Variants in TAF2 observed in about 807,000 individuals in gnomAD.
The protein encoded by TAF2 is transcription initiation factor TFIID subunit 2.
In TAF2, 61 loss-of-function variants were observed where a neutral mutation model predicts 138.5. That is an observed-to-expected ratio of 0.44 (90% confidence interval 0.36 to 0.54). The LOEUF (loss-of-function observed/expected upper bound fraction) is 0.54, where lower values mean the gene tolerates loss of function less well. Ranked by LOEUF, TAF2 falls within the 20% of genes least tolerant of loss-of-function variation. TAF2 has a pLI of 0.00. For missense variants in TAF2, 1,090 were observed against 1,427.9 expected, an observed-to-expected ratio of 0.76 and a Z score of 3.81; for synonymous variants, 475 against 469.9, an observed-to-expected ratio of 1.01 and a Z score of -0.14.
intron 8 of TAF2, 88 bp from the exon 9 acceptor site, chr8:119,795,719 G>A: frequency 4.4e-6 from 5 of 1,143,868 alleles, no homozygotes; most frequent in Non-Finnish European, 6.5e-6. Context: ...AGTGTAGTGT[G>A]TATTTCCCTG....
intron 15 of TAF2, 31 bp from the exon 16 acceptor site, chr8:119,783,664 T>C (rs1175966576): frequency 6.3e-7 from 1 of 1,589,914 alleles, no homozygotes; most frequent in Non-Finnish European, 8.6e-7. Flanking sequence ...CTTTTTAATT[T>C]AATTTTTAAA....
intron 21 of TAF2, among the ~76,000 whole-genome samples, chr8:119,757,813 T>C (rs562059436): frequency 4.1e-4 from 62 of 152,186 alleles, no homozygotes; most frequent in African/African-American, 1.4e-3. Context: ...AGAGAATCGC[T>C]TGAACCCAGG....
intron 25 of TAF2, among the ~76,000 whole-genome samples, chr8:119,735,307 G>C (rs956604505): frequency 6.6e-6 from 1 of 152,096 alleles, no homozygotes; most frequent in East Asian, 1.9e-4. Context: ...AACAAAGCTT[G>C]CTAAATGAAT....
chr8:119,823,864 G>A (rs1337075152), intron 2 of TAF2, among the ~76,000 whole-genome samples: 1 of 152,210 alleles, frequency 6.6e-6, no homozygotes, highest in Non-Finnish European at 1.5e-5. Flanking sequence ...GGCCCAGGCT[G>A]AGGTGGTCTC....
intron 2 of TAF2, among the ~76,000 whole-genome samples, chr8:119,827,734 ATT>A (rs58428759): frequency 0.25 from 35,294 of 143,876 alleles, 4,565 homozygotes; most frequent in Middle Eastern, 0.39. Flanking sequence ...CATGGAAGGA[ATT>A]TTTTTTTTTT....
chr8:119,754,710 C>T (rs1173705678), intron 22 of TAF2, among the ~76,000 whole-genome samples: 1 of 152,018 alleles, frequency 6.6e-6, no homozygotes, highest in Non-Finnish European at 1.5e-5. Context: ...TAAATATCCA[C>T]TGCTCTCCCA....
At chr8:119,780,862 G>A (rs1413597946) in intron 17 of TAF2, among the ~76,000 whole-genome samples, 191 bp downstream of exon 17, 3 of 150,826 alleles carry the variant, frequency 2.0e-5, no homozygotes, top group Non-Finnish European at 4.4e-5. Context: ...GTGAACCCGG[G>A]AGGCGGAGCT....
chr8:119,824,189 G>A (rs948728226), intron 2 of TAF2, among the ~76,000 whole-genome samples: 5 of 152,092 alleles, frequency 3.3e-5, no homozygotes, highest in African/African-American at 1.2e-4. Flanking sequence ...CCAGCACATT[G>A]GGAGGCTGAG....
At chr8:119,766,176 ACTATTT>A (rs1821407492) in intron 18 of TAF2, among the ~76,000 whole-genome samples, 1 of 152,168 alleles carries the variant, frequency 6.6e-6, no homozygotes, top group African/African-American at 2.4e-5. Flanking sequence ...ATTGTAATAA[ACTATTT>A]CTATATTTCT....
chr8:119,817,638 T>C (rs972743249), intron 3 of TAF2, among the ~76,000 whole-genome samples: 5 of 152,218 alleles, frequency 3.3e-5, no homozygotes, highest in Non-Finnish European at 7.3e-5. Context: ...GTCATTACAC[T>C]TAACAGATTA....
chr8:119,789,596 A>G lies in TAF2; in HGVS notation c.1564T>C (p.Trp522Arg), dbSNP rs1823276681. 1 of 1,613,332 alleles carries G rather than the reference A, an allele frequency of 6.2e-7. No homozygotes were observed. Among genetic ancestry groups the G allele is most frequent in the Non-Finnish European group, 8.5e-7 (1 of 1,179,842 alleles). The stretch of plus-strand genomic sequence containing the variant: ...AACTGCTATTGAAAAGGATACACCC[A>G]CTGCTTTATTAACGGCTGAATATCT... ...GKDIQPLIKQ[W>R]VDQSGVVKFY... Residue 522 changes from tryptophan to arginine, a missense_variant, in exon 12 of 26, where the codon TGG (tryptophan) becomes CGG (arginine). Physicochemically the swap from Trp to Arg is moderately radical, Grantham distance 101. Around this residue, in one of 3 missense-constraint regions of TAF2, gnomAD observed 504 missense variants for 680.9 expected, o/e 0.74. Transcript: ENST00000378164.
intron 18 of TAF2, among the ~76,000 whole-genome samples, chr8:119,774,542 C>A (rs779953566): frequency 6.7e-6 from 1 of 150,244 alleles, no homozygotes; most frequent in Non-Finnish European, 1.5e-5. Context: ...GCGTATTTTA[C>A]GTGTGGCCCA....
intron 22 of TAF2, 68 bp downstream of exon 22, chr8:119,755,938 T>C: frequency 7.7e-7 from 1 of 1,293,020 alleles, no homozygotes; most frequent in Non-Finnish European, 1.1e-6. Context: ...GCTATTGAAT[T>C]GAAAATCTGT....
chr8:119,755,013 CTG>C (rs1820600482), intron 22 of TAF2, among the ~76,000 whole-genome samples: 2 of 152,204 alleles, frequency 1.3e-5, no homozygotes, highest in South Asian at 4.1e-4. Context: ...GAGCCAGACA[CTG>C]TGTTTTACAG....
chr8:119,787,863 A>T (rs1823132558), intron 14 of TAF2, among the ~76,000 whole-genome samples: 1 of 152,202 alleles, frequency 6.6e-6, no homozygotes, highest in South Asian at 2.1e-4. Flanking sequence ...GATAAACTGG[A>T]TAAAGAAAAT....
chr8:119,806,616 C>T (rs369935929), intron 3 of TAF2, among the ~76,000 whole-genome samples: 1 of 151,784 alleles, frequency 6.6e-6, no homozygotes, highest in African/African-American at 2.4e-5. Flanking sequence ...TACAGGCACC[C>T]ACCACCACAA....
chr8:119,767,782 C>T (rs1187806412), intron 18 of TAF2, among the ~76,000 whole-genome samples: 5 of 152,234 alleles, frequency 3.3e-5, no homozygotes, highest in Admixed American at 6.5e-5. Flanking sequence ...GCTTCTTCAG[C>T]GCTGGGTCCA....
chr8:119,747,190 T>C (rs1820037971), intron 22 of TAF2, among the ~76,000 whole-genome samples: 1 of 152,216 alleles, frequency 6.6e-6, no homozygotes, highest in Non-Finnish European at 1.5e-5. Flanking sequence ...GTTCATCGTG[T>C]CTGATTCTCT....
intron 4 of TAF2, among the ~76,000 whole-genome samples, chr8:119,804,575 TCTCTC>T (rs1471364215): frequency 3.3e-5 from 5 of 152,170 alleles, no homozygotes; most frequent in Non-Finnish European, 7.3e-5. Context: ...AAGCTCTCTC[TCTCTC>T]TTTTTGCTGG....
Sources: gnomAD v4.1 joint callset for allele counts (sites outside exome capture counted in the v4.1 genomes callset) on GRCh38, gnomAD v4.1.1 for gene constraint, gnomAD v4.1.1 regional missense constraint, MANE v1.5 for transcripts, NCBI Gene and HGNC (gene_info 2026-07-23, HGNC 2026-07-21) for gene names.